Variants in C7orf78 observed in about 807,000 individuals in gnomAD.
The protein encoded by C7orf78 is chromosome 7 open reading frame 78.
the C7orf78 span, among the ~76,000 whole-genome samples, chr7:12,494,821 G>T: frequency 6.6e-6 from 1 of 152,136 alleles, no homozygotes; most frequent in South Asian, 2.1e-4. Context: ...CCTCCTAGTG[G>T]TAAGGCTGCT....
the C7orf78 span, among the ~76,000 whole-genome samples, chr7:12,522,325 T>C: frequency 1.3e-5 from 2 of 152,084 alleles, no homozygotes; most frequent in Non-Finnish European, 2.9e-5. Flanking sequence ...ATATTGATAA[T>C]GTCATTAAAT....
chr7:12,523,070 C>G, the C7orf78 span: 1 of 398,300 alleles, frequency 2.5e-6, no homozygotes. Context: ...TCCTTCACGA[C>G]AGGATCTCAA....
chr7:12,539,135 C>T, the C7orf78 span, among the ~76,000 whole-genome samples: 2 of 152,108 alleles, frequency 1.3e-5, no homozygotes, highest in African/African-American at 4.8e-5. Flanking sequence ...TTCCTCAGGG[C>T]TTTCCCCCAA....
chr7:12,539,856 T>C, the C7orf78 span, among the ~76,000 whole-genome samples: 1 of 152,184 alleles, frequency 6.6e-6, no homozygotes, highest in Non-Finnish European at 1.5e-5. Context: ...AAGGATGCAA[T>C]CATGATGAAT....
chr7:12,515,015 G>A, the C7orf78 span, among the ~76,000 whole-genome samples: 1 of 152,086 alleles, frequency 6.6e-6, no homozygotes, highest in African/African-American at 2.4e-5. Context: ...AACTTTATAG[G>A]TAACTAGAAG....
At chr7:12,499,406 CA>C in the C7orf78 span, among the ~76,000 whole-genome samples, 1 of 150,446 alleles carries the variant, frequency 6.6e-6, no homozygotes, top group African/African-American at 2.4e-5. Flanking sequence ...AAATGGAAAA[CA>C]AAAAAAGGCA....
the C7orf78 span, chr7:12,491,285 T>G: frequency 6.6e-6 from 1 of 152,210 alleles, no homozygotes; most frequent in African/African-American, 2.4e-5. Flanking sequence ...ATGGTGTTAA[T>G]GGTACAAAGT....
chr7:12,535,269 A>G, the C7orf78 span, among the ~76,000 whole-genome samples: 1 of 152,210 alleles, frequency 6.6e-6, no homozygotes, highest in East Asian at 1.9e-4. Context: ...ACAGTTCCAC[A>G]TGGTTGGGGA....
At chr7:12,517,191 G>A in the C7orf78 span, among the ~76,000 whole-genome samples, 7 of 152,108 alleles carry the variant, frequency 4.6e-5, no homozygotes, top group Admixed American at 1.3e-4. Context: ...TACTGTTTTT[G>A]TGGTAGTGAA....
the C7orf78 span, chr7:12,541,091 C>T: frequency 6.6e-6 from 1 of 152,176 alleles, no homozygotes; most frequent in African/African-American, 2.4e-5. Context: ...ATGAAAGTTG[C>T]ATAATTTGAA....
chr7:12,495,797 T>C, the C7orf78 span, among the ~76,000 whole-genome samples: 1 of 152,224 alleles, frequency 6.6e-6, no homozygotes, highest in Non-Finnish European at 1.5e-5. Flanking sequence ...CAAACATATG[T>C]AATTCAAATA....
At chr7:12,533,663 C>T in the C7orf78 span, among the ~76,000 whole-genome samples, 16 of 151,984 alleles carry the variant, frequency 1.1e-4, no homozygotes, top group Admixed American at 6.6e-5. Flanking sequence ...ACTACAGGTG[C>T]CCGCCACCAC....
the C7orf78 span, among the ~76,000 whole-genome samples, chr7:12,528,275 C>T: frequency 2.6e-5 from 4 of 151,586 alleles, no homozygotes; most frequent in African/African-American, 9.7e-5. Context: ...TGAAATGGAA[C>T]ATATCTACTT....
At chr7:12,531,343 C>T in the C7orf78 span, among the ~76,000 whole-genome samples, 4 of 152,144 alleles carry the variant, frequency 2.6e-5, no homozygotes, top group African/African-American at 9.7e-5. Context: ...TCACCTCTCA[C>T]AGCTCTCTTT....
At chr7:12,512,851 C>T in the C7orf78 span, among the ~76,000 whole-genome samples, 1 of 152,094 alleles carries the variant, frequency 6.6e-6, no homozygotes, top group Non-Finnish European at 1.5e-5. Context: ...TTCCACATTA[C>T]TACTTATTAG....
At chr7:12,488,233 T>C in the C7orf78 span, among the ~76,000 whole-genome samples, 2 of 152,080 alleles carry the variant, frequency 1.3e-5, no homozygotes, top group Non-Finnish European at 2.9e-5. Context: ...ACCATCTATC[T>C]TCATTTGGCC....
chr7:12,504,859 T>C, the C7orf78 span, among the ~76,000 whole-genome samples: 1 of 152,140 alleles, frequency 6.6e-6, no homozygotes, highest in Non-Finnish European at 1.5e-5. Context: ...TAGCAGATTA[T>C]ATTACATTTT....
the C7orf78 span, among the ~76,000 whole-genome samples, chr7:12,493,204 G>A: frequency 2.6e-5 from 4 of 152,120 alleles, no homozygotes; most frequent in Non-Finnish European, 5.9e-5. Context: ...AAATAAGTAA[G>A]TAAATAAATC....
chr7:12,533,157 G>C, the C7orf78 span, among the ~76,000 whole-genome samples: 1 of 152,128 alleles, frequency 6.6e-6, no homozygotes, highest in Non-Finnish European at 1.5e-5. Context: ...AAAGAAAATG[G>C]CATGGTAGTC....
Sources: allele counts gnomAD v4.1 joint callset (sites outside exome capture counted in the v4.1 genomes callset), GRCh38; gene constraint gnomAD v4.1.1; transcripts MANE v1.5; gene names NCBI Gene and HGNC (gene_info 2026-07-23, HGNC 2026-07-21).